PTPDC1: variants seen among roughly 807,000 people sequenced by gnomAD.
PTPDC1 encodes the protein protein tyrosine phosphatase domain containing 1.
In PTPDC1, 53 loss-of-function variants were observed where a neutral mutation model predicts 75.3. The observed-to-expected ratio is 0.70, with a 90% CI of 0.56 to 0.88. The LOEUF (loss-of-function observed/expected upper bound fraction) is 0.88, where lower values mean the gene tolerates loss of function less well. PTPDC1 is among the 40% of genes least tolerant of loss of function. PTPDC1 has a pLI of 0.00. For missense variants in PTPDC1, 925 were observed against 998.6 expected, an observed-to-expected ratio of 0.93 and a Z score of 0.99; for synonymous variants, 349 against 366.2, an observed-to-expected ratio of 0.95 and a Z score of 0.54.
At chr9:94,078,078 T>C (rs1268801426) in intron 2 of PTPDC1, among the ~76,000 whole-genome samples, 2 of 152,232 alleles carry the variant, frequency 1.3e-5, no homozygotes, top group Non-Finnish European at 2.9e-5. Flanking sequence ...GGACATTTCA[T>C]ATAAATACAT....
At chr9:94,065,109 A>G (rs1826261712) in intron 2 of PTPDC1, among the ~76,000 whole-genome samples, 1 of 152,260 alleles carries the variant, frequency 6.6e-6, no homozygotes. Flanking sequence ...CCTACTTATG[A>G]ATCAAACTTT....
rs751575326 is a variant in PTPDC1 at position 94,101,734 on chromosome 9, C to CT, written c.2189dup (p.Leu730PhefsTer37). 6.8e-6 allele frequency: 11 copies of CT among 1,609,552 alleles called. No homozygotes were observed. Among genetic ancestry groups the CT allele is most frequent in the East Asian group, 2.2e-5 (1 of 44,700 alleles). On this transcript the variant is annotated frameshift_variant, in exon 7 of 9. Coordinates refer to ENST00000620992, the MANE Select transcript of PTPDC1 (RefSeq NM_001253829.2). LOFTEE classifies it high-confidence loss of function. The stretch of plus-strand genomic sequence containing the variant: ...CAGGCGAGCAGATGCCGCAGAAGCA[C>CT]TTTTTTTATTAGAGAAGGTAAAGTG...
At chr9:94,099,750 C>A (rs1827769237) in intron 6 of PTPDC1, among the ~76,000 whole-genome samples, 1 of 152,250 alleles carries the variant, frequency 6.6e-6, no homozygotes, top group African/African-American at 2.4e-5. Flanking sequence ...AGAGAGTCTT[C>A]TATTTTAGAT....
chr9:94,053,618 T>C (rs1477327847), intron 1 of PTPDC1, among the ~76,000 whole-genome samples: 5 of 152,152 alleles, frequency 3.3e-5, no homozygotes, highest in Non-Finnish European at 7.3e-5. Context: ...ATGTAATTGA[T>C]ACTAGGGAAG....
chr9:94,066,273 A>G (rs1054637221), intron 2 of PTPDC1, among the ~76,000 whole-genome samples: 5 of 152,358 alleles, frequency 3.3e-5, no homozygotes, highest in African/African-American at 1.2e-4. Flanking sequence ...TCCTCTTAGT[A>G]TAAATGCAGC....
chr9:94,062,751 G>GC (rs1285239484), intron 1 of PTPDC1, among the ~76,000 whole-genome samples: 1 of 152,126 alleles, frequency 6.6e-6, no homozygotes, highest in African/African-American at 2.4e-5. Flanking sequence ...TCTCCCACAG[G>GC]CCCCACCTCC....
At position 94,098,089 on chromosome 9, in the gene PTPDC1, C is replaced by G. The variant is rs980681969; in HGVS notation, c.1523C>G (p.Ser508Cys). Residue 508 changes from serine to cysteine, a missense_variant, in exon 6 of 9, where the codon TCT (serine) becomes TGT (cysteine). Coordinates refer to ENST00000620992, the MANE Select transcript of PTPDC1 (RefSeq NM_001253829.2). ...GAAGCCTTGGTTCGCAGCACACTTT[C>G]TTTCTGGAGTCAGTCAAAGTTTGGA... ...HKEALVRSTLSFWSQSKFGGL... is the reference protein window; with the variant it reads ...HKEALVRSTLCFWSQSKFGGL... 2 of 1,614,096 alleles carry G rather than the reference C, an allele frequency of 1.2e-6. No individual in the cohort carries two copies. The highest frequency in any genetic ancestry group is 1.3e-5 in the African/African-American group (1 of 74,918).
At chr9:94,076,747 A>G (rs1826705580) in intron 2 of PTPDC1, among the ~76,000 whole-genome samples, 1 of 152,160 alleles carries the variant, frequency 6.6e-6, no homozygotes, top group Non-Finnish European at 1.5e-5. Flanking sequence ...TCATTTGAGG[A>G]ACTGCCAGAC....
At chr9:94,069,417 A>G (rs1452815616) in intron 2 of PTPDC1, among the ~76,000 whole-genome samples, 3 of 152,126 alleles carry the variant, frequency 2.0e-5, no homozygotes, top group African/African-American at 7.2e-5. Flanking sequence ...AAATCTGCAT[A>G]TAAGTGGACC....
intron 5 of PTPDC1, 27 bp downstream of exon 5, chr9:94,095,481 C>G (rs1265781751): frequency 6.4e-7 from 1 of 1,555,130 alleles, no homozygotes; most frequent in Non-Finnish European, 8.7e-7. Flanking sequence ...GGTTTATTGC[C>G]TGTAGGCATA....
chr9:94,098,069 C>T lies in PTPDC1; in HGVS notation c.1503C>T (p.Ala501=), dbSNP rs141980144. ...QSPEPDLHKE[A]LVRSTLSFWS... is the part of the protein sequence containing the mutation. ...CAGAACCAGACTTACACAAGGAAGC[C>T]TTGGTTCGCAGCACACTTTCTTTCT... is the stretch of plus-strand genomic sequence containing the variant. The change falls in exon 6 of 9, where the codon GCC becomes GCT. Residue 501 remains alanine (A), a synonymous_variant. Coordinates refer to ENST00000620992, the MANE Select transcript of PTPDC1 (RefSeq NM_001253829.2). 1.2e-6 allele frequency: 2 copies of T among 1,614,052 alleles called. No homozygotes were observed. The highest frequency in any genetic ancestry group is 2.7e-5 in the African/African-American group (2 of 74,920).
rs187536869 is a variant in PTPDC1, at chr9:94,044,887, C to A, written c.-7+13760C>A. Among the ~76,000 whole-genome samples, 9 of 151,848 alleles carry A rather than the reference C, an allele frequency of 5.9e-5. No individual in the cohort carries two copies. In the East Asian group the frequency reaches 1.6e-3, roughly 26 times the overall value. ...CTTTAAGTTTTAGGGTACATGTGCA[C>A]AATGTGCAGGTTTGTTACATATGTA... On this transcript the variant is annotated intron_variant, in intron 1 of 9. Transcript: ENST00000375360.
At chr9:94,088,087 G>T (rs950954365) in intron 3 of PTPDC1, 58 bp from the exon 4 acceptor site, 1 of 1,579,146 alleles carries the variant, frequency 6.3e-7, no homozygotes. Context: ...TACCAAAAAT[G>T]GTTAATTTTT....
At chr9:94,090,204 T>C (rs1250861829) in intron 4 of PTPDC1, among the ~76,000 whole-genome samples, 1 of 91,070 alleles carries the variant, frequency 1.1e-5, no homozygotes, top group Non-Finnish European at 2.0e-5. Flanking sequence ...AGGGTTTTTA[T>C]GGTTTTAGGT....
At chr9:94,062,034 G>C (rs1238291047) in intron 1 of PTPDC1, among the ~76,000 whole-genome samples, 1 of 152,156 alleles carries the variant, frequency 6.6e-6, no homozygotes, top group Admixed American at 6.5e-5. Context: ...TTAAATATAA[G>C]TTTTAGTTTC....
chr9:94,041,699 T>C (rs1486283420), intron 1 of PTPDC1, among the ~76,000 whole-genome samples: 1 of 152,240 alleles, frequency 6.6e-6, no homozygotes, highest in Non-Finnish European at 1.5e-5. Context: ...CTGCATCTTT[T>C]TGACATTCTC....
chr9:94,073,053 TC>T (rs761040735), intron 2 of PTPDC1, among the ~76,000 whole-genome samples: 2 of 152,216 alleles, frequency 1.3e-5, no homozygotes, highest in Non-Finnish European at 2.9e-5. Flanking sequence ...TGGGAAATGT[TC>T]CTTCTTCTAT....
At chr9:94,049,947 A>G (rs927464002) in intron 1 of PTPDC1, among the ~76,000 whole-genome samples, 3 of 151,998 alleles carry the variant, frequency 2.0e-5, no homozygotes, top group East Asian at 3.9e-4. Context: ...TTCTCTTCTC[A>G]CTTCATTTCA....
chr9:94,071,192 T>C (rs2117904597), intron 2 of PTPDC1, among the ~76,000 whole-genome samples: 1 of 152,336 alleles, frequency 6.6e-6, no homozygotes, highest in East Asian at 1.9e-4. Flanking sequence ...TATCAGTATT[T>C]ATTTTAGCCA....
Sources: gnomAD v4.1 joint callset for allele counts (sites outside exome capture counted in the v4.1 genomes callset) on GRCh38, gnomAD v4.1.1 for gene constraint, MANE v1.5 for transcripts, NCBI Gene and HGNC (gene_info 2026-07-23, HGNC 2026-07-21) for gene names.